The following KCNG2 variants were observed in gnomAD, a reference collection of about 807,000 sequenced individuals.
The protein encoded by KCNG2 is potassium voltage-gated channel modifier subfamily G member 2.
KCNG2 carries 7 observed loss-of-function variants against 12.3 expected under a neutral mutation model. The ratio of observed to expected loss-of-function variants is 0.57; its 90% CI spans 0.32 to 1.07. The LOEUF (loss-of-function observed/expected upper bound fraction) is 1.07. Ranked by LOEUF, KCNG2 falls within the 50% of genes least tolerant of loss-of-function variation. KCNG2 has a pLI of 0.04. For synonymous variants in KCNG2, 414 were observed against 351.4 expected (o/e 1.18, Z -1.99); for missense variants, 703 against 726.0 (o/e 0.97, Z 0.36).
At chr18:79,864,991 G>GCTGAGAGGTCTGTGTA (rs1979409093) in intron 3 of KCNG2, among the ~76,000 whole-genome samples, 1 of 151,136 alleles carries the variant, frequency 6.6e-6, no homozygotes, top group East Asian at 2.0e-4. Context: ...AGGTCTGTGT[G>GCTGAGAGGTCTGTGTA]CTGAGAGGTC....
Position 79,825,077 on chromosome 18 carries a change from G to T in KCNG2, c.-115+27063G>T, listed in dbSNP as rs539695720. Among the ~76,000 whole-genome samples the T allele has an allele frequency of 1.6e-4, 10 of 64,380 alleles. No homozygotes were observed. The East Asian group carries it at 4.5e-3, about 29-fold the overall frequency. 42.2% of individuals were successfully genotyped at this position (64,380 alleles called of 152,430 possible). On this transcript the variant is annotated intron_variant, in intron 1 of 3. Transcript: ENST00000316249. The stretch of plus-strand genomic sequence containing the variant: ...TCTTGGGAGAATTCTCTGTAAACCT[G>T]TCGGGGCTTAGTGCTTTGATAGGAC...
chr18:79,854,941 G>T (rs1441747156), intron 1 of KCNG2, among the ~76,000 whole-genome samples: 1 of 152,120 alleles, frequency 6.6e-6, no homozygotes, highest in East Asian at 1.9e-4. Flanking sequence ...AGTCCTCAGC[G>T]TGAGATCTTT....
Position 79,863,976 on chromosome 18 carries a change from C to G in KCNG2, c.309C>G (p.Asp103Glu). 1 of 1,251,140 alleles carries G rather than the reference C, an allele frequency of 8.0e-7. No homozygotes were observed. Among genetic ancestry groups the G allele is most frequent in the Non-Finnish European group, 1.0e-6 (1 of 991,298 alleles). 77.5% of individuals were successfully genotyped at this position (1,251,140 alleles called of 1,614,324 possible). ...LRGPCALAFRDELAYWGIDEA... is the reference protein window; with the variant it reads ...LRGPCALAFREELAYWGIDEA... Reference sequence around the variant, plus strand: ...GCCCGTGCGCGCTGGCCTTCCGCGACGAGCTGGCCTACTGGGGCATCGACG... The same window carrying G: ...GCCCGTGCGCGCTGGCCTTCCGCGAGGAGCTGGCCTACTGGGGCATCGACG... Residue 103 changes from aspartate (D) to glutamate (E), a missense_variant, in exon 3 of 4, where the codon GAC (aspartate) becomes GAG (glutamate). Transcript: ENST00000316249.
chr18:79,842,187 C>T (rs540521332), intron 1 of KCNG2, among the ~76,000 whole-genome samples: 1 of 152,302 alleles, frequency 6.6e-6, no homozygotes, highest in East Asian at 1.9e-4. Flanking sequence ...CTTGCAGACC[C>T]AGATACCGCC....
At chr18:79,865,284 A>G in intron 3 of KCNG2, among the ~76,000 whole-genome samples, 1 of 115,234 alleles carries the variant, frequency 8.7e-6, no homozygotes. Context: ...GTGTGCTGAG[A>G]GGTCTGTGTG....
intron 3 of KCNG2, among the ~76,000 whole-genome samples, chr18:79,871,336 A>G (rs1979823126): frequency 1.3e-5 from 2 of 152,214 alleles, no homozygotes; most frequent in Non-Finnish European, 2.9e-5. Flanking sequence ...AAGGATGGAC[A>G]TAGGGTGTGG....
intron 3 of KCNG2, among the ~76,000 whole-genome samples, chr18:79,866,574 C>G (rs1379360499): frequency 7.5e-6 from 1 of 132,980 alleles, no homozygotes; most frequent in Non-Finnish European, 1.6e-5. Flanking sequence ...ATGCCGAGGT[C>G]TCTGTGCTGA....
intron 1 of KCNG2, among the ~76,000 whole-genome samples, chr18:79,830,415 A>C (rs1025929494): frequency 7.9e-5 from 12 of 152,248 alleles, no homozygotes; most frequent in Non-Finnish European, 1.5e-4. Context: ...CTGGGACATC[A>C]TCTTTTCCAA....
intron 1 of KCNG2, among the ~76,000 whole-genome samples, chr18:79,840,658 G>A (rs1437133800): frequency 6.6e-6 from 1 of 152,172 alleles, no homozygotes; most frequent in African/African-American, 2.4e-5. Context: ...GAAGAATAAA[G>A]TGGGGAAAAT....
chr18:79,873,239 C>T (rs373606311), intron 3 of KCNG2, among the ~76,000 whole-genome samples: 5 of 152,318 alleles, frequency 3.3e-5, no homozygotes, highest in African/African-American at 7.2e-5. Flanking sequence ...GCCTCCTGTC[C>T]GTATCACTTG....
chr18:79,851,701 GTA>G (rs1200854856), intron 1 of KCNG2, among the ~76,000 whole-genome samples: 1 of 125,968 alleles, frequency 7.9e-6, no homozygotes, highest in East Asian at 2.6e-4. Context: ...CTGTGTGAAT[GTA>G]TGTGTGTGTG....
Position 79,803,940 on chromosome 18 carries a change from C to G in KCNG2, c.-115+5926C>G, listed in dbSNP as rs2087430123. Among the ~76,000 whole-genome samples, 1 of 152,244 alleles carries G rather than the reference C, an allele frequency of 6.6e-6. No individual in the cohort carries two copies. The highest frequency in any genetic ancestry group is 2.1e-4 in the South Asian group (1 of 4,834). On this transcript the variant is annotated intron_variant, in intron 1 of 3. Coordinates refer to ENST00000316249, the MANE Select transcript of KCNG2 (RefSeq NM_012283.2). This position sits in a 1 kb window ranked among gnomAD's most constrained non-coding sequence, Gnocchi z 4.5. ...CCTGGCCTGGCCGTGTCACTCCTAT[C>G]TCACCTTCAGGGAGCTCTAGCCTGC... is the stretch of plus-strand genomic sequence containing the variant.
intron 1 of KCNG2, among the ~76,000 whole-genome samples, chr18:79,833,396 G>A (rs1024337647): frequency 2.0e-5 from 3 of 152,154 alleles, no homozygotes; most frequent in African/African-American, 2.4e-5. Context: ...CTGCCTCAGC[G>A]TCCCAACGTG....
Position 79,899,117 on chromosome 18 carries a change from G to A in KCNG2, c.702G>A (p.Leu234=). Reference sequence around the variant, plus strand: ...TGGCCTGGTTCTCCTTCGAGTTCCTGCTGCGCTCCCTGCAGGCCGAGAGCA... The same window carrying A: ...TGGCCTGGTTCTCCTTCGAGTTCCTACTGCGCTCCCTGCAGGCCGAGAGCA... ...VCVAWFSFEF[L]LRSLQAESKC... is the part of the protein sequence containing the mutation. Residue 234 remains leucine, a synonymous_variant, in exon 4 of 4, where the codon CTG becomes CTA. Coordinates refer to ENST00000316249, the MANE Select transcript of KCNG2 (RefSeq NM_012283.2). 1.2e-6 allele frequency: 2 copies of A among 1,606,242 alleles called. No homozygotes were observed. The highest frequency in any genetic ancestry group is 1.7e-6 in the Non-Finnish European group (2 of 1,178,762).
chr18:79,837,363 G>A (rs575645847), intron 1 of KCNG2, among the ~76,000 whole-genome samples: 1 of 152,306 alleles, frequency 6.6e-6, no homozygotes, highest in East Asian at 1.9e-4. Context: ...AGTGATGGTG[G>A]CTTTTCCAGG....
intron 1 of KCNG2, among the ~76,000 whole-genome samples, chr18:79,848,117 G>C (rs1978685653): frequency 6.6e-6 from 1 of 152,188 alleles, no homozygotes; most frequent in Non-Finnish European, 1.5e-5. Context: ...CAGAATGTCT[G>C]AAACCCTAGC....
chr18:79,859,973 C>T (rs546879623), intron 2 of KCNG2, among the ~76,000 whole-genome samples: 5 of 152,202 alleles, frequency 3.3e-5, no homozygotes, highest in East Asian at 1.9e-4. Context: ...AGGTTTAATT[C>T]GCTCATGGTT....
At chr18:79,835,767 A>AGAT (rs1978320590) in intron 1 of KCNG2, among the ~76,000 whole-genome samples, 1 of 152,264 alleles carries the variant, frequency 6.6e-6, no homozygotes, top group Non-Finnish European at 1.5e-5. Context: ...TATTATTTAC[A>AGAT]GATGGGATGT....
intron 1 of KCNG2, among the ~76,000 whole-genome samples, chr18:79,834,821 A>T (rs912667049): frequency 6.6e-5 from 10 of 152,218 alleles, no homozygotes; most frequent in Non-Finnish European, 1.5e-4. Flanking sequence ...GAGCAGGAGG[A>T]GCTGGTTCCT....
Sources: allele counts gnomAD v4.1 joint callset (sites outside exome capture counted in the v4.1 genomes callset), GRCh38; gene constraint gnomAD v4.1.1; non-coding constraint Gnocchi (gnomAD v3.1); transcripts MANE v1.5; gene names NCBI Gene and HGNC (gene_info 2026-07-23, HGNC 2026-07-21).